OTOA: variants seen among roughly 807,000 people sequenced by gnomAD.
The protein encoded by OTOA is otoancorin, also known as cancer/testis antigen 108.
Under a neutral mutation model 110.8 loss-of-function variants are expected in OTOA, and 70 were observed. The observed-to-expected ratio is 0.63, with a 90% CI of 0.52 to 0.77. The LOEUF (loss-of-function observed/expected upper bound fraction) is 0.77, where lower values mean the gene tolerates loss of function less well. OTOA is among the 30% of genes least tolerant of loss of function. The pLI is 0.00. For missense variants in OTOA, 917 were observed against 1,075.8 expected (o/e 0.85, Z 2.06); for synonymous variants, 373 against 431.5 (o/e 0.86, Z 1.68).
At chr16:21,702,573 C>T (rs528041112) in intron 11 of OTOA, among the ~76,000 whole-genome samples, 1 of 152,284 alleles carries the variant, frequency 6.6e-6, no homozygotes, top group Non-Finnish European at 1.5e-5. Context: ...TCCGCTTCCC[C>T]ATCTGTAAAA....
chr16:21,678,388 C>A, intron 1 of OTOA, 123 bp from the exon 2 acceptor site: 2 of 624,820 alleles, frequency 3.2e-6, no homozygotes, highest in Non-Finnish European at 2.5e-6. Flanking sequence ...TTGGTTTTTC[C>A]TTTTGTCTTC....
At position 21,709,941 on chromosome 16, in the gene OTOA, C is replaced by G; in HGVS notation, c.1158C>G (p.Thr386=). The change falls in exon 13 of 29, where the codon ACC becomes ACG. Residue 386 remains threonine (T), a synonymous_variant. Coordinates refer to ENST00000646100, the MANE Select transcript of OTOA (RefSeq NM_144672.4). ...TGGAGAACCAGACCCTCAATGAGAC[C>G]CTGGGTTCTTTGTCGGATGCAGTTG... ...IAMENQTLNE[T]LGSLSDAVVG... is the part of the protein sequence containing the mutation. 6.2e-7 allele frequency: 1 copy of G among 1,613,946 alleles called. No homozygotes were observed. Among genetic ancestry groups the G allele is most frequent in the Non-Finnish European group, 8.5e-7 (1 of 1,179,938 alleles).
intron 1 of OTOA, among the ~76,000 whole-genome samples, chr16:21,668,330 A>C (rs1257125217): frequency 6.6e-6 from 1 of 152,128 alleles, no homozygotes; most frequent in East Asian, 1.9e-4. Context: ...GGCTGGTCTC[A>C]AACTCCTGGC....
In OTOA at chr16:21,691,605, C is replaced by T; in HGVS notation, c.657C>T (p.Leu219=). 1 of 1,613,792 alleles carries T rather than the reference C, an allele frequency of 6.2e-7. No homozygotes were observed. Among genetic ancestry groups the T allele is most frequent in the African/African-American group, 1.3e-5 (1 of 75,012 alleles). Reference sequence around the variant, plus strand: ...TTAGATCTGCAGTGTTCAAAGATCTCTACGACAAAACCTCGGCTCATTCCC... The same window carrying T: ...TTAGATCTGCAGTGTTCAAAGATCTTTACGACAAAACCTCGGCTCATTCCC... ...FKNLSAVFKD[L]YDKTSAHSQR... The change falls in exon 9 of 29, where the codon CTC becomes CTT. Residue 219 remains leucine, a synonymous_variant. Coordinates refer to ENST00000646100, the MANE Select transcript of OTOA (RefSeq NM_144672.4).
chr16:21,664,457 G>C (rs1332775513), intron 1 of OTOA, among the ~76,000 whole-genome samples: 1 of 152,076 alleles, frequency 6.6e-6, no homozygotes, highest in African/African-American at 2.4e-5. Context: ...TTCGAGAAAA[G>C]GGATCCAAAA....
chr16:21,680,150 C>A (rs7194128), intron 5 of OTOA, among the ~76,000 whole-genome samples: 28,783 of 151,806 alleles, frequency 0.19, 4,178 homozygotes, highest in African/African-American at 0.39. Context: ...TGGATATATT[C>A]TTTCAGTCTA....
chr16:21,713,451 C>T (rs934200422), intron 13 of OTOA, among the ~76,000 whole-genome samples: 2 of 152,080 alleles, frequency 1.3e-5, no homozygotes, highest in Non-Finnish European at 2.9e-5. Flanking sequence ...CTTCCTCCAT[C>T]GCGGGGCCAA....
intron 18 of OTOA, among the ~76,000 whole-genome samples, chr16:21,723,593 A>G (rs1898828493): frequency 6.6e-6 from 1 of 152,220 alleles, no homozygotes; most frequent in Non-Finnish European, 1.5e-5. Flanking sequence ...GAAGCCAATT[A>G]TATCAGGTTG....
chr16:21,721,611 G>A lies in OTOA; in HGVS notation c.1807-1294G>A, dbSNP rs934427449. The A allele has an allele frequency of 1.9e-5, 8 of 410,632 alleles. No homozygotes were observed. The East Asian group carries it at 5.1e-4, about 26-fold the overall frequency. 25.4% of individuals were successfully genotyped at this position (410,632 alleles called of 1,614,324 possible). On this transcript the variant is annotated intron_variant, in intron 17 of 28. Coordinates refer to ENST00000646100, the MANE Select transcript of OTOA (RefSeq NM_144672.4). ...TTCTTTTATATATAAAATATAGGCC[G>A]GTCACAATGACTCATGCCTGTAATT...
At chr16:21,704,295 C>A (rs1220057384) in intron 11 of OTOA, among the ~76,000 whole-genome samples, 1 of 152,108 alleles carries the variant, frequency 6.6e-6, no homozygotes, top group East Asian at 1.9e-4. Flanking sequence ...GTGAGATCAG[C>A]TCTAGAATTT....
rs183410632 is a variant in OTOA, at chr16:21,693,971, A to G, written c.739+2284A>G. ...ATATTTTAGGCTTTGTAAGCCTACC[A>G]TCTCTGCCTCAACTATTCAGCTCTG... On this transcript the variant is annotated intron_variant, in intron 9 of 28. Coordinates refer to ENST00000646100, the MANE Select transcript of OTOA (RefSeq NM_144672.4). Among the ~76,000 whole-genome samples the G allele has an allele frequency of 2.8e-4, 43 of 152,362 alleles. No homozygotes were observed. The East Asian group carries it at 8.1e-3, about 29-fold the overall frequency.
intron 8 of OTOA, among the ~76,000 whole-genome samples, chr16:21,688,481 T>C (rs1897764297): frequency 6.6e-6 from 1 of 152,124 alleles, no homozygotes; most frequent in Non-Finnish European, 1.5e-5. Flanking sequence ...CCTAGCTAGA[T>C]ATGTTGCTTG....
At chr16:21,714,332 C>T (rs2887621) in intron 13 of OTOA, among the ~76,000 whole-genome samples, 13,953 of 127,342 alleles carry the variant, frequency 0.11, 779 homozygotes, top group Middle Eastern at 0.16. Flanking sequence ...TTCCTTCCTT[C>T]CTTTCTTTCT....
At chr16:21,697,635 A>C in intron 9 of OTOA, 140 bp from the exon 10 acceptor site, 3 of 798,234 alleles carry the variant, frequency 3.8e-6, no homozygotes, top group Non-Finnish European at 6.2e-6. Flanking sequence ...CTGTCTCAAA[A>C]AACCCCGAAA....
At chr16:21,725,338 G>A (rs1474803531) in intron 18 of OTOA, among the ~76,000 whole-genome samples, 1 of 152,114 alleles carries the variant, frequency 6.6e-6, no homozygotes, top group Non-Finnish European at 1.5e-5. Flanking sequence ...AGGTTGGAGT[G>A]CAGTGGTGCG....
chr16:21,708,612 C>G (rs1898264534), intron 12 of OTOA, among the ~76,000 whole-genome samples: 2 of 152,220 alleles, frequency 1.3e-5, no homozygotes, highest in African/African-American at 2.4e-5. Context: ...CTTCGTTTTA[C>G]AGATGTGGAA....
In OTOA at chr16:21,669,390, C is replaced by CA. The variant is rs202133238; in HGVS notation, c.-5+5159dup. The stretch of plus-strand genomic sequence containing the variant: ...ACAGAAGAACAAACAAAAAAGCAAA[C>CA]ACAAAAAACCACTGACTATCTCTGT... On this transcript the variant is annotated intron_variant, in intron 1 of 28. Transcript: ENST00000646100. Among the ~76,000 whole-genome samples, 1,343 of 151,940 alleles carry CA rather than the reference C, an allele frequency of 8.8e-3. 48 individuals carry two copies. Among genetic ancestry groups the CA allele is most frequent in the East Asian group, 0.081 (418 of 5,162 alleles).
intron 13 of OTOA, among the ~76,000 whole-genome samples, chr16:21,713,332 A>C (rs2141693586): frequency 6.6e-6 from 1 of 152,260 alleles, no homozygotes; most frequent in Non-Finnish European, 1.5e-5. Flanking sequence ...GATATATTCC[A>C]ACCACATTCC....
chr16:21,684,609 C>CAGCT (rs1351151281), intron 6 of OTOA: 1 of 1,413,720 alleles, frequency 7.1e-7, no homozygotes, highest in East Asian at 2.5e-5. Context: ...CTTCAACAAG[C>CAGCT]AGCTGTCCCT....
Sources: allele counts gnomAD v4.1 joint callset (sites outside exome capture counted in the v4.1 genomes callset), GRCh38; gene constraint gnomAD v4.1.1; transcripts MANE v1.5; gene names NCBI Gene and HGNC (gene_info 2026-07-23, HGNC 2026-07-21).